GRM3: variants seen among roughly 807,000 people sequenced by gnomAD.
The protein encoded by GRM3 is glutamate metabotropic receptor 3, also known as metabotropic glutamate receptor 3.
GRM3 carries 26 observed loss-of-function variants against 70.5 expected under a neutral mutation model. The observed-to-expected ratio is 0.37, with a 90% CI of 0.27 to 0.51. The LOEUF (loss-of-function observed/expected upper bound fraction) is 0.51. Ranked by LOEUF, GRM3 falls within the 20% of genes least tolerant of loss-of-function variation. GRM3 has a pLI of 0.93. For synonymous variants in GRM3, 443 were observed against 434.9 expected, an observed-to-expected ratio of 1.02 and a Z score of -0.23; for missense variants, 859 against 1,123.8, an observed-to-expected ratio of 0.76 and a Z score of 3.37.
chr7:86,771,568 A>G (rs1395291256), intron 2 of GRM3, among the ~76,000 whole-genome samples: 6 of 152,110 alleles, frequency 3.9e-5, no homozygotes, highest in Admixed American at 2.0e-4. Flanking sequence ...ATTCTATAGA[A>G]CATTATTCTA....
At chr7:86,720,619 A>G (rs1795434818) in intron 1 of GRM3, among the ~76,000 whole-genome samples, 1 of 152,072 alleles carries the variant, frequency 6.6e-6, no homozygotes, top group Non-Finnish European at 1.5e-5. Flanking sequence ...GAATTCATCT[A>G]CCCTATACCC....
intron 1 of GRM3, among the ~76,000 whole-genome samples, chr7:86,735,420 A>T (rs1383244838): frequency 6.6e-6 from 1 of 152,196 alleles, no homozygotes; most frequent in African/African-American, 2.4e-5. Context: ...CCACCAATTG[A>T]CTGTGACTTC....
At chr7:86,783,821 A>C (rs1797145452) in intron 2 of GRM3, among the ~76,000 whole-genome samples, 1 of 152,178 alleles carries the variant, frequency 6.6e-6, no homozygotes, top group Non-Finnish European at 1.5e-5. Context: ...TGTAACTCTG[A>C]ATATCGTAAG....
intron 5 of GRM3, among the ~76,000 whole-genome samples, chr7:86,859,984 A>G (rs933449762): frequency 6.6e-6 from 1 of 152,174 alleles, no homozygotes; most frequent in African/African-American, 2.4e-5. Flanking sequence ...TGGAATTTAT[A>G]AGGTCCTTTT....
At chr7:86,680,875 C>G (rs762638003) in intron 1 of GRM3, among the ~76,000 whole-genome samples, 2 of 152,122 alleles carry the variant, frequency 1.3e-5, no homozygotes, top group Non-Finnish European at 2.9e-5. Context: ...TTCCTAAATC[C>G]TGGCCTGCCC....
intron 1 of GRM3, among the ~76,000 whole-genome samples, chr7:86,712,130 T>C (rs2189816): frequency 0.099 from 15,017 of 152,094 alleles, 962 homozygotes; most frequent in Non-Finnish European, 0.15. Flanking sequence ...CCTCAAATTC[T>C]GCTTACTTTA....
intron 1 of GRM3, among the ~76,000 whole-genome samples, chr7:86,745,238 A>G (rs1429838132): frequency 6.6e-6 from 1 of 152,122 alleles, no homozygotes; most frequent in Admixed American, 6.6e-5. Context: ...CACATGTGCC[A>G]GAAACCCCTG....
At chr7:86,856,445 C>T (rs1584282500) in intron 5 of GRM3, among the ~76,000 whole-genome samples, 1 of 143,936 alleles carries the variant, frequency 6.9e-6, no homozygotes, top group South Asian at 2.3e-4. Context: ...GACTCCATCG[C>T]CCTCTGCAAA....
chr7:86,748,501 T>C (rs943550327), intron 1 of GRM3, among the ~76,000 whole-genome samples: 2 of 147,172 alleles, frequency 1.4e-5, no homozygotes, highest in Non-Finnish European at 3.0e-5. Flanking sequence ...TAAATACATT[T>C]TAGGCAAGAC....
chr7:86,785,896 T>A (rs1426255121), intron 2 of GRM3, among the ~76,000 whole-genome samples: 1 of 151,996 alleles, frequency 6.6e-6, no homozygotes, highest in Non-Finnish European at 1.5e-5. Flanking sequence ...TTCACTGTAG[T>A]TCATTGCTTG....
At chr7:86,788,686 C>G (rs1392474933) in intron 3 of GRM3, among the ~76,000 whole-genome samples, 1 of 152,122 alleles carries the variant, frequency 6.6e-6, no homozygotes, top group Non-Finnish European at 1.5e-5. Flanking sequence ...AAAAGAATAT[C>G]TTTACTCTAA....
intron 4 of GRM3, among the ~76,000 whole-genome samples, chr7:86,845,445 G>A (rs1182054537): frequency 6.6e-6 from 1 of 151,892 alleles, no homozygotes; most frequent in African/African-American, 2.4e-5. Flanking sequence ...TTGTATCTCA[G>A]GCAAGTGCCT....
chr7:86,721,051 AG>A lies in GRM3; in HGVS notation c.-140-43952del, dbSNP rs1795449942. 2.0e-5 allele frequency among the ~76,000 whole-genome samples: 3 copies of A among 152,180 alleles called. No individual in the cohort carries two copies. In the South Asian group the frequency reaches 6.2e-4, roughly 32 times the overall value. ...AGCCTTTGCTTGCCTCAGGCCCCAAAGGGAAGCTAATACTACCATATCACCT... is the reference window on the plus strand; with the variant it reads ...AGCCTTTGCTTGCCTCAGGCCCCAAAGGAAGCTAATACTACCATATCACCT... On this transcript the variant is annotated intron_variant, in intron 1 of 5. Transcript: ENST00000361669.
At chr7:86,842,411 C>T (rs960126901) in intron 4 of GRM3, among the ~76,000 whole-genome samples, 6 of 152,114 alleles carry the variant, frequency 3.9e-5, no homozygotes. Flanking sequence ...AGTGCTCACC[C>T]CTGAAGACAG....
intron 1 of GRM3, among the ~76,000 whole-genome samples, chr7:86,720,338 A>G (rs893346029): frequency 6.6e-6 from 1 of 152,034 alleles, no homozygotes; most frequent in Non-Finnish European, 1.5e-5. Flanking sequence ...CATGTGGGGC[A>G]TGTTGTACTT....
intron 5 of GRM3, among the ~76,000 whole-genome samples, chr7:86,851,460 A>G (rs954612612): frequency 1.3e-5 from 2 of 152,162 alleles, no homozygotes; most frequent in East Asian, 1.9e-4. Context: ...GAAGCAATTC[A>G]CTGACACTGG....
At chr7:86,647,111 G>A (rs1793492664) in intron 1 of GRM3, among the ~76,000 whole-genome samples, 2 of 152,168 alleles carry the variant, frequency 1.3e-5, no homozygotes, top group South Asian at 4.1e-4. Context: ...AAAGCTCACT[G>A]CTTCACTTCT....
At chr7:86,647,384 C>T (rs1793499761) in intron 1 of GRM3, among the ~76,000 whole-genome samples, 1 of 152,088 alleles carries the variant, frequency 6.6e-6, no homozygotes, top group Non-Finnish European at 1.5e-5. Flanking sequence ...GTGAATTTTC[C>T]AATTGTTTTC....
At chr7:86,725,059 T>C (rs555071490) in intron 1 of GRM3, among the ~76,000 whole-genome samples, 1 of 152,076 alleles carries the variant, frequency 6.6e-6, no homozygotes, top group East Asian at 1.9e-4. Context: ...TTCTTACTAT[T>C]ACCAGGGGAT....
Sources: allele counts gnomAD v4.1 joint callset (sites outside exome capture counted in the v4.1 genomes callset), GRCh38; gene constraint gnomAD v4.1.1; transcripts MANE v1.5; gene names NCBI Gene and HGNC (gene_info 2026-07-23, HGNC 2026-07-21).